EEPD1: variants seen among roughly 807,000 people sequenced by gnomAD.
EEPD1 encodes endonuclease/exonuclease/phosphatase family domain containing 1.
EEPD1 carries 17 observed loss-of-function variants against 46.3 expected under a neutral mutation model. The ratio of observed to expected loss-of-function variants is 0.37; its 90% CI spans 0.25 to 0.55. The LOEUF (loss-of-function observed/expected upper bound fraction) is 0.55. EEPD1 is among the 20% of genes least tolerant of loss of function. EEPD1 has a pLI of 0.83. For missense variants in EEPD1, 673 were observed against 745.6 expected, an observed-to-expected ratio of 0.90 and a Z score of 1.13; for synonymous variants, 313 against 315.6, an observed-to-expected ratio of 0.99 and a Z score of 0.09.
rs149273524 is a variant in EEPD1, at chr7:36,270,772, C to T, written c.931-10343C>T. Among the ~76,000 whole-genome samples the T allele has an allele frequency of 2.0e-3, 303 of 152,226 alleles. 11 individuals are homozygous for T. In the East Asian group the frequency reaches 0.05, roughly 25 times the overall value. On this transcript the variant is annotated intron_variant, in intron 3 of 7. Transcript: ENST00000242108. ...TAGTGCTGCAGTAAACATACATGTG[C>T]ATGTGTCTTTATAACAGAATGATTT...
chr7:36,165,411 C>CTTTTTTTTTTTTTTTT (rs56236165), intron 2 of EEPD1, among the ~76,000 whole-genome samples: 4 of 62,062 alleles, frequency 6.4e-5, no homozygotes, highest in African/African-American at 2.8e-4. Flanking sequence ...GATCCATTTC[C>CTTTTTTTTTTTTTTTT]TTTTTTTTTT....
chr7:36,250,598 A>G (rs1464009227), intron 3 of EEPD1, among the ~76,000 whole-genome samples: 1 of 152,206 alleles, frequency 6.6e-6, no homozygotes, highest in Non-Finnish European at 1.5e-5. Flanking sequence ...AGTTGTTGTG[A>G]CAGAGACAGT....
At chr7:36,258,366 C>T (rs1786859849) in intron 3 of EEPD1, among the ~76,000 whole-genome samples, 2 of 152,204 alleles carry the variant, frequency 1.3e-5, no homozygotes, top group East Asian at 1.9e-4. Flanking sequence ...GCTGGGAGAT[C>T]CACTGCTCTC....
chr7:36,263,140 T>G (rs538323125), intron 3 of EEPD1, among the ~76,000 whole-genome samples: 2 of 152,272 alleles, frequency 1.3e-5, no homozygotes, highest in African/African-American at 4.8e-5. Flanking sequence ...AAAACCAGCC[T>G]GGGCAACATG....
chr7:36,214,471 C>T (rs771221300), intron 2 of EEPD1, among the ~76,000 whole-genome samples: 1 of 152,184 alleles, frequency 6.6e-6, no homozygotes, highest in Non-Finnish European at 1.5e-5. Context: ...GGGAGATCAT[C>T]AGTGATTCTG....
chr7:36,154,044 C>T lies in EEPD1; in HGVS notation c.-192-89C>T. The T allele has an allele frequency of 2.1e-6, 1 of 471,440 alleles. No individual in the cohort carries two copies. The highest frequency in any genetic ancestry group is 2.6e-5 in the South Asian group (1 of 38,592). 29.2% of individuals were successfully genotyped at this position (471,440 alleles called of 1,614,324 possible). A position where few individuals can be genotyped will look rare whatever the true frequency, so the allele number is the denominator to read the frequency against. On this transcript the variant is annotated intron_variant, in intron 1 of 7. Transcript: ENST00000242108. The surrounding 1 kb of genome is among the most constrained non-coding windows in gnomAD (Gnocchi z 4.2). ...CACGGGCAGCCACCAGTCCCCGACT[C>T]CTGGTTACTAACTCTAGCACTAGGT...
rs1352800281 is a variant in EEPD1, at chr7:36,225,574, CA to C, written c.879-13410del. Reference sequence around the variant, plus strand: ...GAGGGGGACAAGCATTTCATCCAAACAGAGAAAAAAGTAACAAAAATTAAGT... The same window carrying C: ...GAGGGGGACAAGCATTTCATCCAAACGAGAAAAAAGTAACAAAAATTAAGT... On this transcript the variant is annotated intron_variant, in intron 2 of 7. Transcript: ENST00000242108. This position sits in a 1 kb window ranked among gnomAD's most constrained non-coding sequence, Gnocchi z 4.2. Among the ~76,000 whole-genome samples the C allele has an allele frequency of 1.3e-5, 2 of 152,034 alleles. No homozygotes were observed. Among genetic ancestry groups the C allele is most frequent in the Non-Finnish European group, 2.9e-5 (2 of 68,010 alleles).
intron 5 of EEPD1, among the ~76,000 whole-genome samples, chr7:36,286,370 T>C (rs955681080): frequency 6.6e-6 from 1 of 152,248 alleles, no homozygotes; most frequent in Non-Finnish European, 1.5e-5. Context: ...CTCTTGGTCC[T>C]GGTTGCTGGC....
intron 3 of EEPD1, among the ~76,000 whole-genome samples, chr7:36,257,900 A>T (rs1786852560): frequency 6.6e-6 from 1 of 152,132 alleles, no homozygotes; most frequent in Admixed American, 6.5e-5. Context: ...GGAAGAGAAG[A>T]GGCATTATGG....
intron 2 of EEPD1, among the ~76,000 whole-genome samples, chr7:36,167,892 T>TTGTA (rs1315910768): frequency 2.6e-5 from 4 of 152,038 alleles, no homozygotes; most frequent in Non-Finnish European, 4.4e-5. Context: ...TTTTTGTATT[T>TTGTA]TTAGTAGAGA....
chr7:36,276,719 T>C (rs1787186626), intron 3 of EEPD1, among the ~76,000 whole-genome samples: 1 of 152,242 alleles, frequency 6.6e-6, no homozygotes, highest in South Asian at 2.1e-4. Flanking sequence ...TTAGAATTGC[T>C]TGGGGGAACT....
intron 2 of EEPD1, among the ~76,000 whole-genome samples, chr7:36,230,125 C>A (rs1786297288): frequency 6.6e-6 from 1 of 151,900 alleles, no homozygotes; most frequent in African/African-American, 2.4e-5. Context: ...CTTTCTTGTT[C>A]CCCTCATCTG....
chr7:36,259,880 G>C (rs1220992481), intron 3 of EEPD1, among the ~76,000 whole-genome samples: 1 of 152,176 alleles, frequency 6.6e-6, no homozygotes, highest in Non-Finnish European at 1.5e-5. Context: ...TGTATTTACA[G>C]AGTTAGCTAT....
intron 2 of EEPD1, among the ~76,000 whole-genome samples, chr7:36,202,197 C>G (rs1402245270): frequency 2.0e-5 from 3 of 152,180 alleles, no homozygotes; most frequent in Non-Finnish European, 4.4e-5. Context: ...AGTGTGAGAA[C>G]TGAGAAATGT....
At chr7:36,186,306 G>A (rs1471253597) in intron 2 of EEPD1, among the ~76,000 whole-genome samples, 1 of 152,086 alleles carries the variant, frequency 6.6e-6, no homozygotes, top group Non-Finnish European at 1.5e-5. Flanking sequence ...CTTCCCCAGG[G>A]TTTACAATAA....
Position 36,284,619 on chromosome 7 carries a change from T to G in EEPD1, c.1042-67T>G, listed in dbSNP as rs1268322872. 4 of 1,563,322 alleles carry G rather than the reference T, an allele frequency of 2.6e-6. No homozygotes were observed. In the Admixed American group the frequency reaches 7.4e-5, roughly 29 times the overall value. On this transcript the variant is annotated intron_variant, in intron 4 of 7. Coordinates refer to ENST00000242108, the MANE Select transcript of EEPD1 (RefSeq NM_030636.3). ...ACTGCCTCTCGGTCTCTCTGGCCTC[T>G]CTGCCTCCTTTCCCCAGGTGGCGCT...
intron 3 of EEPD1, among the ~76,000 whole-genome samples, chr7:36,256,323 G>A (rs1270780939): frequency 2.0e-5 from 3 of 152,202 alleles, no homozygotes; most frequent in African/African-American, 7.2e-5. Context: ...GAGTTTTGTA[G>A]ATGTCCATTA....
rs144797634 is a variant in EEPD1 at position 36,258,080 on chromosome 7, C to T, written c.930+19044C>T. 2.4e-4 allele frequency among the ~76,000 whole-genome samples: 36 copies of T among 152,258 alleles called. No individual in the cohort carries two copies. The East Asian group carries it at 5.4e-3, about 23-fold the overall frequency. Reference sequence around the variant, plus strand: ...TGTTCGTTTTGCTTGTAATGTCAGGCCCCTCTGCTACAGGTCTGCTGGAGT... The same window carrying T: ...TGTTCGTTTTGCTTGTAATGTCAGGTCCCTCTGCTACAGGTCTGCTGGAGT... On this transcript the variant is annotated intron_variant, in intron 3 of 7. Transcript: ENST00000242108.
intron 2 of EEPD1, among the ~76,000 whole-genome samples, chr7:36,227,635 T>C (rs1165272420): frequency 6.6e-6 from 1 of 152,180 alleles, no homozygotes; most frequent in African/African-American, 2.4e-5. Flanking sequence ...CAAGAAATTT[T>C]TGGCCAGGCG....
Sources: allele counts gnomAD v4.1 joint callset (sites outside exome capture counted in the v4.1 genomes callset), GRCh38; gene constraint gnomAD v4.1.1; non-coding constraint Gnocchi (gnomAD v3.1); transcripts MANE v1.5; gene names NCBI Gene and HGNC (gene_info 2026-07-23, HGNC 2026-07-21).